The following SDK1 variants were observed in gnomAD, a reference collection of about 807,000 sequenced individuals.
SDK1 encodes the protein protein sidekick-1.
A neutral mutation model predicts 245.5 loss-of-function variants in SDK1; 157 were observed. That is an observed-to-expected ratio of 0.64 (90% CI 0.56 to 0.73). SDK1 has a LOEUF of 0.73. Ranked by LOEUF, SDK1 falls within the 30% of genes least tolerant of loss-of-function variation. The probability of loss-of-function intolerance (pLI) is 0.00; values close to 1 mark genes in which losing one functional copy is unlikely to be tolerated. For synonymous variants in SDK1, 1,647 were observed against 1,278.5 expected (o/e 1.29, Z -6.15); for missense variants, 3,583 against 3,002.3 (o/e 1.19, Z -4.52).
At chr7:4,265,036 G>T in intron 44 of SDK1, 88 bp from the exon 45 acceptor site, 1 of 1,529,472 alleles carries the variant, frequency 6.5e-7, no homozygotes, top group South Asian at 1.2e-5. Flanking sequence ...CCCCTGGGGA[G>T]GTGCCCCCAC....
intron 1 of SDK1, among the ~76,000 whole-genome samples, chr7:3,540,362 G>GCC (rs1245761727): frequency 6.6e-6 from 1 of 152,216 alleles, no homozygotes; most frequent in Non-Finnish European, 1.5e-5. Flanking sequence ...GGCCGAAATT[G>GCC]CCCCACTTTA....
At chr7:4,140,902 G>A (rs1371633357) in intron 28 of SDK1, among the ~76,000 whole-genome samples, 2 of 152,152 alleles carry the variant, frequency 1.3e-5, no homozygotes, top group African/African-American at 2.4e-5. Context: ...AGGAGTTCAA[G>A]ACCAGCCTGT....
At chr7:4,029,741 C>T (rs189831885) in intron 17 of SDK1, among the ~76,000 whole-genome samples, 14 of 152,128 alleles carry the variant, frequency 9.2e-5, no homozygotes, top group African/African-American at 3.4e-4. Flanking sequence ...CTGGGCAGTA[C>T]CGTCTGTGAC....
At chr7:4,129,848 C>A in intron 26 of SDK1, 60 bp from the exon 27 acceptor site, 1 of 1,601,710 alleles carries the variant, frequency 6.2e-7, no homozygotes, top group Non-Finnish European at 8.5e-7. Context: ...TGCCCCATGC[C>A]ACGGCGGTCC....
chr7:4,192,754 G>A lies in SDK1; in HGVS notation c.5099-13125G>A, dbSNP rs115190815. On this transcript the variant is annotated intron_variant, in intron 35 of 44. Transcript: ENST00000404826. ...CCCACAATATCTCCAAGACCCGCCC[G>A]TGTCGAGAACACTCCTGCACTCGCC... Among the ~76,000 whole-genome samples the A allele has an allele frequency of 9.7e-3, 1,466 of 151,856 alleles. 23 individuals are homozygous for A. The highest frequency in any genetic ancestry group is 0.033 in the African/African-American group (1,378 of 41,402).
chr7:4,012,829 C>T (rs867499640), intron 16 of SDK1, among the ~76,000 whole-genome samples: 14 of 152,116 alleles, frequency 9.2e-5, no homozygotes, highest in Middle Eastern at 3.4e-3. Context: ...CCTCCTCAGC[C>T]TCCCAATCCT....
rs576170596 is a variant in SDK1, at chr7:4,105,273, G to C, written c.3325-5390G>C. 2.9e-4 allele frequency among the ~76,000 whole-genome samples: 43 copies of C among 149,176 alleles called. 1 individual carries two copies. Among genetic ancestry groups the C allele is most frequent in the Non-Finnish European group, 8.9e-5 (6 of 67,188 alleles). On this transcript the variant is annotated intron_variant, in intron 22 of 44. Transcript: ENST00000404826. ...GCTGGGATTACAGGTGTGAGCCACC[G>C]CGCCTGGCCAGGAGTTATATTTTTT...
intron 4 of SDK1, among the ~76,000 whole-genome samples, chr7:3,816,443 T>C (rs2115053914): frequency 6.7e-6 from 1 of 149,418 alleles, no homozygotes; most frequent in Non-Finnish European, 1.5e-5. Context: ...AAATACAAAC[T>C]ACCATCAGAG....
At chr7:3,785,625 A>T (rs747704036) in intron 4 of SDK1, among the ~76,000 whole-genome samples, 18 of 152,240 alleles carry the variant, frequency 1.2e-4, no homozygotes, top group Non-Finnish European at 5.9e-5. Context: ...ATGCTTTATA[A>T]GTAACTGTCT....
At chr7:4,056,588 G>A (rs186738960) in intron 19 of SDK1, among the ~76,000 whole-genome samples, 16 of 152,150 alleles carry the variant, frequency 1.1e-4, no homozygotes, top group South Asian at 4.1e-4. Flanking sequence ...AGAGACCCCC[G>A]TGGTCCACAT....
At chr7:3,972,175 G>A (rs568561382) in intron 12 of SDK1, among the ~76,000 whole-genome samples, 77 of 151,588 alleles carry the variant, frequency 5.1e-4, no homozygotes, top group African/African-American at 1.8e-3. Flanking sequence ...CACCTCCCGG[G>A]TTCACACCAT....
intron 1 of SDK1, among the ~76,000 whole-genome samples, chr7:3,312,191 C>T (rs748364693): frequency 2.0e-5 from 3 of 152,110 alleles, no homozygotes; most frequent in Non-Finnish European, 4.4e-5. Flanking sequence ...TGCAACTAAC[C>T]TTCAAGCTGA....
At chr7:3,953,347 A>C (rs1253500217) in intron 7 of SDK1, among the ~76,000 whole-genome samples, 1 of 152,242 alleles carries the variant, frequency 6.6e-6, no homozygotes, top group African/African-American at 2.4e-5. Context: ...CTCTGAAAGA[A>C]GCGAAAGTCT....
At chr7:3,513,006 G>A (rs902803375) in intron 1 of SDK1, among the ~76,000 whole-genome samples, 7 of 152,114 alleles carry the variant, frequency 4.6e-5, no homozygotes, top group Non-Finnish European at 7.4e-5. Context: ...CCTGTGTTTT[G>A]TGTTGTTTTC....
intron 2 of SDK1, among the ~76,000 whole-genome samples, chr7:3,635,745 C>T (rs1782437629): frequency 6.6e-6 from 1 of 152,068 alleles, no homozygotes; most frequent in African/African-American, 2.4e-5. Flanking sequence ...CTGGCTCTGT[C>T]ACCCAGGCTG....
At chr7:3,823,544 G>A (rs925570807) in intron 5 of SDK1, among the ~76,000 whole-genome samples, 24 of 152,260 alleles carry the variant, frequency 1.6e-4, no homozygotes, top group African/African-American at 2.4e-4. Context: ...CTGTACTAGC[G>A]TAATACCATG....
intron 1 of SDK1, among the ~76,000 whole-genome samples, chr7:3,547,047 C>T (rs1779246737): frequency 6.6e-6 from 1 of 152,142 alleles, no homozygotes; most frequent in African/African-American, 2.4e-5. Flanking sequence ...GTAGCTCATA[C>T]ATAGTTGACC....
intron 1 of SDK1, among the ~76,000 whole-genome samples, chr7:3,514,361 C>G (rs965730173): frequency 6.6e-6 from 1 of 152,114 alleles, no homozygotes; most frequent in African/African-American, 2.4e-5. Context: ...TTAAAACACC[C>G]AAATATATCT....
intron 36 of SDK1, among the ~76,000 whole-genome samples, chr7:4,206,212 G>A (rs1420107330): frequency 1.3e-5 from 2 of 152,228 alleles, no homozygotes; most frequent in Non-Finnish European, 2.9e-5. Flanking sequence ...TGCACACCTG[G>A]CTGTGCCCAC....
Sources: allele counts gnomAD v4.1 joint callset (sites outside exome capture counted in the v4.1 genomes callset), GRCh38; gene constraint gnomAD v4.1.1; transcripts MANE v1.5; gene names NCBI Gene and HGNC (gene_info 2026-07-23, HGNC 2026-07-21).